GPC6: variants seen among roughly 807,000 people sequenced by gnomAD.
The protein encoded by GPC6 is glypican 6, also known as glypican-6.
In GPC6, 14 loss-of-function variants were observed where a neutral mutation model predicts 55.2. The ratio of observed to expected loss-of-function variants is 0.25; its 90% CI spans 0.17 to 0.40. GPC6 has a LOEUF of 0.40. Ranked by LOEUF, GPC6 falls within the 10% of genes least tolerant of loss-of-function variation. The pLI is 1.00. For synonymous variants in GPC6, 278 were observed against 259.6 expected, an observed-to-expected ratio of 1.07 and a Z score of -0.68; for missense variants, 641 against 708.5, an observed-to-expected ratio of 0.90 and a Z score of 1.08.
chr13:93,797,324 T>G (rs1291754219), intron 2 of GPC6, among the ~76,000 whole-genome samples: 1 of 152,200 alleles, frequency 6.6e-6, no homozygotes, highest in Non-Finnish European at 1.5e-5. Context: ...TTCCACCATC[T>G]TCACAGAGGT....
chr13:93,730,123 A>G (rs1883771851), intron 2 of GPC6, among the ~76,000 whole-genome samples: 1 of 152,116 alleles, frequency 6.6e-6, no homozygotes, highest in African/African-American at 2.4e-5. Context: ...GATATGTGTT[A>G]ATAAAATGTT....
At chr13:94,111,974 C>G (rs1403433434) in intron 4 of GPC6, among the ~76,000 whole-genome samples, 1 of 152,108 alleles carries the variant, frequency 6.6e-6, no homozygotes, top group East Asian at 1.9e-4. Flanking sequence ...TTAACATAAC[C>G]ATGATCTCCA....
At chr13:93,956,229 A>G (rs572415424) in intron 3 of GPC6, among the ~76,000 whole-genome samples, 24 of 152,046 alleles carry the variant, frequency 1.6e-4, no homozygotes. Context: ...ACTTGCAAAC[A>G]CAGTTGTCAG....
chr13:93,561,402 T>C (rs1594268500), intron 2 of GPC6, among the ~76,000 whole-genome samples: 3 of 105,726 alleles, frequency 2.8e-5, no homozygotes, highest in East Asian at 4.6e-4. Context: ...TATATCCCTA[T>C]CGATATATAT....
chr13:94,219,819 G>GT (rs1555308566), intron 4 of GPC6, among the ~76,000 whole-genome samples: 4 of 152,100 alleles, frequency 2.6e-5, no homozygotes, highest in Non-Finnish European at 5.9e-5. Context: ...TTCCAGAAAG[G>GT]TATGTTGAGG....
intron 1 of GPC6, among the ~76,000 whole-genome samples, chr13:93,479,441 T>G (rs996957372): frequency 1.3e-5 from 2 of 152,030 alleles, no homozygotes; most frequent in Admixed American, 6.6e-5. Flanking sequence ...ACAAAGATGA[T>G]CTGAGAAGTT....
chr13:93,241,544 A>G lies in GPC6; in HGVS notation c.160+13928A>G, dbSNP rs573679158. ...ATTTTTTAAAATCTATCTCCTTGGA[A>G]AATTTTCATTCATATCTTGAGTTGT... On this transcript the variant is annotated intron_variant, in intron 1 of 8. Coordinates refer to ENST00000377047, the MANE Select transcript of GPC6 (RefSeq NM_005708.5). Among the ~76,000 whole-genome samples, 5 of 152,192 alleles carry G rather than the reference A, an allele frequency of 3.3e-5. No homozygotes were observed. In the East Asian group the frequency reaches 9.7e-4, roughly 29 times the overall value.
intron 1 of GPC6, among the ~76,000 whole-genome samples, chr13:93,327,119 G>T (rs907955691): frequency 6.6e-6 from 1 of 152,208 alleles, no homozygotes; most frequent in Non-Finnish European, 1.5e-5. Context: ...ATTTTTTTCC[G>T]GTAGTTTTTG....
At chr13:94,113,498 C>A (rs565700471) in intron 4 of GPC6, among the ~76,000 whole-genome samples, 1 of 152,190 alleles carries the variant, frequency 6.6e-6, no homozygotes, top group South Asian at 2.1e-4. Context: ...ATGTGTGCAC[C>A]TTGTACAATA....
intron 1 of GPC6, among the ~76,000 whole-genome samples, chr13:93,293,342 A>C (rs1183200826): frequency 1.3e-5 from 2 of 152,240 alleles, no homozygotes. Context: ...AAAATTCAGA[A>C]AACAAAAATC....
intron 6 of GPC6, among the ~76,000 whole-genome samples, chr13:94,375,283 C>T (rs550133081): frequency 0.05 from 7,629 of 151,762 alleles, 619 homozygotes; most frequent in African/African-American, 0.17. Flanking sequence ...AAAGGATCAA[C>T]AAAATTGATA....
intron 3 of GPC6, among the ~76,000 whole-genome samples, chr13:93,853,340 A>G (rs182884005): frequency 7.8e-4 from 118 of 151,834 alleles, no homozygotes; most frequent in Admixed American, 3.9e-3. Flanking sequence ...ATTTATAAAT[A>G]AGGCAGAAAA....
chr13:93,896,672 T>A (rs1876029295), intron 3 of GPC6, among the ~76,000 whole-genome samples: 1 of 152,092 alleles, frequency 6.6e-6, no homozygotes, highest in Admixed American at 6.6e-5. Flanking sequence ...GACTAATGTA[T>A]TAATATTTTC....
At chr13:94,281,835 G>A (rs756424963) in intron 4 of GPC6, among the ~76,000 whole-genome samples, 14 of 152,164 alleles carry the variant, frequency 9.2e-5, no homozygotes, top group Non-Finnish European at 1.6e-4. Flanking sequence ...GAAGCTAGCT[G>A]GTGTGCCTTT....
chr13:93,743,891 C>A (rs997887973), intron 2 of GPC6, among the ~76,000 whole-genome samples: 6 of 152,044 alleles, frequency 3.9e-5, no homozygotes, highest in Non-Finnish European at 2.9e-5. Flanking sequence ...AAATACTGAG[C>A]AGAAGGTTTT....
intron 1 of GPC6, among the ~76,000 whole-genome samples, chr13:93,298,421 CA>C (rs1338528261): frequency 4.6e-5 from 7 of 151,916 alleles, no homozygotes; most frequent in Non-Finnish European, 1.5e-5. Flanking sequence ...GCAGGCACAC[CA>C]CTTTGGGTTT....
At chr13:93,516,836 T>TAGC in intron 1 of GPC6, among the ~76,000 whole-genome samples, 1 of 152,192 alleles carries the variant, frequency 6.6e-6, no homozygotes, top group East Asian at 1.9e-4. Flanking sequence ...ACCTCCAGCT[T>TAGC]TTGAATTGGG....
chr13:93,330,228 A>G (rs894275607), intron 1 of GPC6, among the ~76,000 whole-genome samples: 2 of 152,186 alleles, frequency 1.3e-5, no homozygotes, highest in African/African-American at 4.8e-5. Flanking sequence ...CATAGTGATC[A>G]TGAAAAATGC....
chr13:93,289,759 A>G (rs546377618), intron 1 of GPC6, among the ~76,000 whole-genome samples: 1 of 152,256 alleles, frequency 6.6e-6, no homozygotes, highest in East Asian at 1.9e-4. Context: ...ATTTATATAA[A>G]AGGATTTGTT....
Sources: gnomAD v4.1 joint callset for allele counts (sites outside exome capture counted in the v4.1 genomes callset) on GRCh38, gnomAD v4.1.1 for gene constraint, MANE v1.5 for transcripts, NCBI Gene and HGNC (gene_info 2026-07-23, HGNC 2026-07-21) for gene names.